The following WDR12 variants were observed in gnomAD, a reference collection of about 807,000 sequenced individuals.
WDR12 encodes the protein ribosome biogenesis protein WDR12.
WDR12 carries 42 observed loss-of-function variants against 64.3 expected under a neutral mutation model. The observed-to-expected ratio is 0.65, with a 90% CI of 0.51 to 0.84. WDR12 has a LOEUF of 0.84. Among genes scored for constraint, WDR12 ranks in the 40% least tolerant of loss-of-function variants. The pLI, the probability that WDR12 is intolerant of heterozygous loss-of-function variation, is 0.00. For missense variants in WDR12, 469 were observed against 494.6 expected (o/e 0.95, Z 0.49); for synonymous variants, 158 against 173.3 (o/e 0.91, Z 0.70).
intron 4 of WDR12, among the ~76,000 whole-genome samples, chr2:202,897,904 A>ATATAT (rs1488448623): frequency 0.031 from 1,377 of 44,584 alleles, 8 homozygotes; most frequent in Non-Finnish European, 0.059. Flanking sequence ...AAAAAAAAAA[A>ATATAT]AAAAATATAT....
intron 8 of WDR12, among the ~76,000 whole-genome samples, chr2:202,888,702 T>C (rs530346439): frequency 6.6e-6 from 1 of 152,222 alleles, no homozygotes; most frequent in Non-Finnish European, 1.5e-5. Flanking sequence ...ATTATTTTGC[T>C]AAAATCCAAA....
intron 8 of WDR12, among the ~76,000 whole-genome samples, chr2:202,885,234 TG>T (rs576477251): frequency 1.9e-4 from 29 of 152,338 alleles, no homozygotes; most frequent in African/African-American, 7.0e-4. Flanking sequence ...CTTGGGGGAC[TG>T]GCTCACAATG....
Position 202,894,594 on chromosome 2 carries a change from CTT to C in WDR12, c.640_641del (p.Lys214AspfsTer9). The C allele has an allele frequency of 6.2e-7, 1 of 1,606,742 alleles. No individual in the cohort carries two copies. The highest frequency in any genetic ancestry group is 8.5e-7 in the Non-Finnish European group (1 of 1,177,066). ...FCSGSWDKML[K>X]IWSTVPTDEE... ...TATTTAATTTACCTGTAGACCAGAT[CTT>C]TAGCATCTTATCCCAGGAGCCACTG... On this transcript the variant is annotated frameshift_variant, in exon 7 of 13. Transcript: ENST00000261015. LOFTEE classifies it high-confidence loss of function.
intron 8 of WDR12, among the ~76,000 whole-genome samples, chr2:202,886,977 A>G (rs962111489): frequency 2.0e-5 from 3 of 152,134 alleles, no homozygotes; most frequent in African/African-American, 7.2e-5. Flanking sequence ...TTTCTGTTGT[A>G]TATTTTTCTT....
chr2:202,883,296 C>T (rs145229850), intron 11 of WDR12, among the ~76,000 whole-genome samples: 24 of 152,090 alleles, frequency 1.6e-4, no homozygotes, highest in Admixed American at 4.6e-4. Context: ...CCATCATGCC[C>T]GGCTAATTTT....
At chr2:202,905,032 A>C (rs1466785118) in intron 2 of WDR12, among the ~76,000 whole-genome samples, 1 of 152,248 alleles carries the variant, frequency 6.6e-6, no homozygotes, top group Non-Finnish European at 1.5e-5. Flanking sequence ...CATTTCTCAA[A>C]AGAAAATTCA....
At chr2:202,900,988 C>A in intron 3 of WDR12, 37 bp downstream of exon 3, 1 of 1,520,098 alleles carries the variant, frequency 6.6e-7, no homozygotes, top group Non-Finnish European at 9.0e-7. Context: ...CCGATAATGC[C>A]TCAAGTGAAA....
rs1394580111 is a variant in WDR12 at position 202,896,102 on chromosome 2, C to T, written c.572G>A (p.Ser191Asn). The T allele has an allele frequency of 6.2e-7, 1 of 1,614,014 alleles. No homozygotes were observed. Among genetic ancestry groups the T allele is most frequent in the Admixed American group, 1.7e-5 (1 of 60,002 alleles). Residue 191 changes from serine to asparagine, a missense_variant, in exon 6 of 13, where the codon AGT (serine) becomes AAT (asparagine). Transcript: ENST00000261015. ...GCCATCAACAGCTATAGAATCTACA[C>T]TTCCAGCATGACCTCTACAGCAGTG... is the stretch of plus-strand genomic sequence containing the variant. ...ALHCCRGHAGSVDSIAVDGSG... is the reference protein window; with the variant it reads ...ALHCCRGHAGNVDSIAVDGSG...
At chr2:202,884,102 C>T (rs1026339777) in intron 10 of WDR12, 96 bp downstream of exon 10, 44 of 1,265,604 alleles carry the variant, frequency 3.5e-5, no homozygotes, top group Non-Finnish European at 4.5e-5. Context: ...TGAGCCACCA[C>T]GCCTGGCCAG....
chr2:202,884,286 A>G lies in WDR12; in HGVS notation c.900T>C (p.Phe300=), dbSNP rs147837574. Residue 300 remains phenylalanine (F), a synonymous_variant, in exon 10 of 13, where the codon TTT becomes TTC. Transcript: ENST00000261015. ...AAAGTGGAGAATAGGAAATACAATT[A>G]AACACTTTATTTCCTGTCTGAAAAA... The part of the protein sequence containing the change: ...LKSTLTGNKV[F]NCISYSPLCK... The G allele has an allele frequency of 8.7e-6, 14 of 1,613,982 alleles. No homozygotes were observed. The highest frequency in any genetic ancestry group is 1.1e-5 in the Non-Finnish European group (13 of 1,179,996).
At chr2:202,884,008 T>C (rs1462818531) in intron 10 of WDR12, 190 bp downstream of exon 10, 2 of 653,806 alleles carry the variant, frequency 3.1e-6, no homozygotes, top group Non-Finnish European at 5.1e-6. Context: ...AGGCAGGGTT[T>C]CTCTATGTTG....
At chr2:202,883,397 A>T in intron 11 of WDR12, 1 of 452,258 alleles carries the variant, frequency 2.2e-6, no homozygotes, top group East Asian at 4.1e-5. Flanking sequence ...CAGCCTTCCA[A>T]AGTGCTGGGA....
At chr2:202,907,594 A>G (rs1170196587) in intron 2 of WDR12, among the ~76,000 whole-genome samples, 2 of 152,194 alleles carry the variant, frequency 1.3e-5, no homozygotes, top group African/African-American at 4.8e-5. Flanking sequence ...TCTATATTAC[A>G]ACTTTATACC....
chr2:202,902,215 C>T (rs1251299613), intron 2 of WDR12, among the ~76,000 whole-genome samples: 4 of 152,176 alleles, frequency 2.6e-5, no homozygotes, highest in Non-Finnish European at 5.9e-5. Flanking sequence ...ATAATTCTTT[C>T]CTCAACAAAA....
Position 202,887,842 on chromosome 2 carries a change from T to C in WDR12, c.742-3307A>G, listed in dbSNP as rs958268029. On this transcript the variant is annotated intron_variant, in intron 8 of 12. Transcript: ENST00000261015. ...AGCGGAGCTTGCAGTGAGCCGAGAT[T>C]GCGCCACTGCAGTCCGCAGTCCGAC... 4.2e-5 allele frequency among the ~76,000 whole-genome samples: 6 copies of C among 143,476 alleles called. No individual in the cohort carries two copies. In the East Asian group the frequency reaches 6.1e-4, roughly 15 times the overall value. 94.1% of individuals were successfully genotyped at this position (143,476 alleles called of 152,430 possible).
intron 10 of WDR12, among the ~76,000 whole-genome samples, chr2:202,883,960 G>A (rs1297555200): frequency 2.6e-5 from 4 of 152,136 alleles, no homozygotes; most frequent in East Asian, 1.9e-4. Flanking sequence ...TTACAGGCAC[G>A]CGCCACCACA....
intron 8 of WDR12, among the ~76,000 whole-genome samples, chr2:202,891,527 AGTCT>A (rs1688156874): frequency 6.6e-6 from 1 of 152,218 alleles, no homozygotes. Flanking sequence ...GCAATTCATC[AGTCT>A]ATGTTTAAAT....
At position 202,882,746 on chromosome 2, in the gene WDR12, C is replaced by G; in HGVS notation, c.1159G>C (p.Asp387His). Residue 387 changes from aspartate to histidine, a missense_variant, in exon 12 of 13, where the codon GAC becomes CAC. By Grantham distance (81) the Asp-to-His change is moderately conservative (BLOSUM62 -1). Coordinates refer to ENST00000261015, the MANE Select transcript of WDR12 (RefSeq NM_018256.4). The stretch of plus-strand genomic sequence containing the variant: ...GTCCAGTCTACACTCAGAACTTTGT[C>G]TTCATGAGCAGCCAGATCATAGAGA... ...APLYDLAAHE[D>H]KVLSVDWTDT... 6.2e-7 allele frequency: 1 copy of G among 1,614,052 alleles called. No individual in the cohort carries two copies. The highest frequency in any genetic ancestry group is 1.1e-5 in the South Asian group (1 of 91,090).
At chr2:202,893,444 T>C (rs1436192704) in intron 7 of WDR12, among the ~76,000 whole-genome samples, 1 of 152,168 alleles carries the variant, frequency 6.6e-6, no homozygotes, top group African/African-American at 2.4e-5. Context: ...AATAAAAAAT[T>C]CTACTAAAGA....
Sources: allele counts gnomAD v4.1 joint callset (sites outside exome capture counted in the v4.1 genomes callset), GRCh38; gene constraint gnomAD v4.1.1; transcripts MANE v1.5; gene names NCBI Gene and HGNC (gene_info 2026-07-23, HGNC 2026-07-21).